The following CERT1 variants were observed in gnomAD, a reference collection of about 807,000 sequenced individuals.
CERT1 encodes the protein ceramide transporter 1.
In CERT1, 31 loss-of-function variants were observed where a neutral mutation model predicts 87.9. That is an observed-to-expected ratio of 0.35 (90% CI 0.27 to 0.48). The LOEUF is 0.48. Among genes scored for constraint, CERT1 ranks in the 20% least tolerant of loss-of-function variants. The pLI is 0.99. For synonymous variants in CERT1, 289 were observed against 250.9 expected, an observed-to-expected ratio of 1.15 and a Z score of -1.44; for missense variants, 487 against 758.0, an observed-to-expected ratio of 0.64 and a Z score of 4.20.
intron 3 of CERT1, among the ~76,000 whole-genome samples, chr5:75,433,688 T>C (rs1379314633): frequency 6.6e-6 from 1 of 152,110 alleles, no homozygotes; most frequent in Non-Finnish European, 1.5e-5. Context: ...ACCCAGGTAA[T>C]TTTTTGATTT....
At chr5:75,497,082 A>C (rs1425643047) in intron 2 of CERT1, among the ~76,000 whole-genome samples, 1 of 152,234 alleles carries the variant, frequency 6.6e-6, no homozygotes, top group East Asian at 1.9e-4. Context: ...AAACATATAA[A>C]GAGTTAACTA....
chr5:75,505,025 G>A (rs1767587744), intron 2 of CERT1, among the ~76,000 whole-genome samples: 1 of 152,134 alleles, frequency 6.6e-6, no homozygotes, highest in Non-Finnish European at 1.5e-5. Flanking sequence ...GGTGGCTCAT[G>A]CCTGTAATCC....
At chr5:75,456,292 C>T (rs766625913) in intron 3 of CERT1, among the ~76,000 whole-genome samples, 3 of 152,098 alleles carry the variant, frequency 2.0e-5, no homozygotes, top group Non-Finnish European at 2.9e-5. Flanking sequence ...GCATACATCA[C>T]ATATTTTACT....
chr5:75,439,438 G>A (rs1029999511), intron 3 of CERT1, among the ~76,000 whole-genome samples: 2 of 151,924 alleles, frequency 1.3e-5, no homozygotes, highest in African/African-American at 2.4e-5. Flanking sequence ...TCTGTAGCAA[G>A]AAGCACAGCA....
Position 75,386,047 on chromosome 5 carries a change from T to C in CERT1, c.1285-13A>G. 1 of 1,483,952 alleles carries C rather than the reference T, an allele frequency of 6.7e-7. No homozygotes were observed. The highest frequency in any genetic ancestry group is 9.0e-7 in the Non-Finnish European group (1 of 1,116,640). The allele number at this position is 1,483,952 out of a possible 1,614,324, so 91.9% of individuals were successfully genotyped here. A position where few individuals can be genotyped will look rare whatever the true frequency, so the allele number is the denominator to read the frequency against. ...CTCTTCTGTATACCTAAAGAGAACA[T>C]AATTCCAAAACTGTTTGAAAATTAA... On this transcript the variant is annotated splice_polypyrimidine_tract_variant and intron_variant, in intron 12 of 16. Coordinates refer to ENST00000643780, the MANE Select transcript of CERT1 (RefSeq NM_001379029.1).
intron 2 of CERT1, among the ~76,000 whole-genome samples, chr5:75,482,939 C>T (rs892697747): frequency 6.6e-6 from 1 of 152,126 alleles, no homozygotes; most frequent in South Asian, 2.1e-4. Flanking sequence ...GCCCACACTG[C>T]GAAGACTGTA....
chr5:75,483,173 A>T (rs2112397412), intron 2 of CERT1, among the ~76,000 whole-genome samples: 1 of 152,340 alleles, frequency 6.6e-6, no homozygotes, highest in Admixed American at 6.5e-5. Context: ...TCCTATCTGA[A>T]TTTAACAAAC....
chr5:75,496,948 A>G (rs756213694), intron 2 of CERT1, among the ~76,000 whole-genome samples: 1 of 152,230 alleles, frequency 6.6e-6, no homozygotes, highest in Non-Finnish European at 1.5e-5. Flanking sequence ...TTATATCTCA[A>G]TGTGATTTTT....
chr5:75,461,555 A>G (rs1765230826), intron 2 of CERT1, among the ~76,000 whole-genome samples: 2 of 152,210 alleles, frequency 1.3e-5, no homozygotes, highest in South Asian at 4.1e-4. Context: ...CTCCATGATA[A>G]TTCCCATTAT....
At chr5:75,464,377 C>A (rs772713675) in intron 2 of CERT1, among the ~76,000 whole-genome samples, 3 of 152,032 alleles carry the variant, frequency 2.0e-5, no homozygotes, top group Non-Finnish European at 4.4e-5. Flanking sequence ...ACATTAGAGG[C>A]CCTACTCTCC....
intron 2 of CERT1, among the ~76,000 whole-genome samples, chr5:75,476,906 AGAT>A (rs1765979531): frequency 6.6e-6 from 1 of 152,170 alleles, no homozygotes; most frequent in Non-Finnish European, 1.5e-5. Context: ...TTGTACTCCG[AGAT>A]GGGGGAAAAA....
At chr5:75,402,799 C>CAAAA in intron 9 of CERT1, 173 bp downstream of exon 9, 5 of 332,350 alleles carry the variant, frequency 1.5e-5, no homozygotes, top group East Asian at 4.9e-5. Flanking sequence ...GACTCTGTCT[C>CAAAA]AAAAAAAAAA....
At chr5:75,376,412 T>C (rs1215462355), downstream of CERT1, 1 of 151,940 alleles carries the variant, frequency 6.6e-6, no homozygotes, top group Non-Finnish European at 1.5e-5. Context: ...ATAGTTAGAG[T>C]GAAACAAAAT....
intron 2 of CERT1, among the ~76,000 whole-genome samples, chr5:75,468,733 C>T (rs887546512): frequency 5.3e-5 from 8 of 152,120 alleles, no homozygotes; most frequent in Admixed American, 1.3e-4. Flanking sequence ...GTACAGAAAG[C>T]CTAATGCTGT....
intron 3 of CERT1, among the ~76,000 whole-genome samples, chr5:75,450,492 C>T (rs910378917): frequency 1.3e-5 from 2 of 152,192 alleles, no homozygotes; most frequent in African/African-American, 4.8e-5. Flanking sequence ...GCAAAACTGT[C>T]TCATAGGGGA....
chr5:75,412,438 A>G (rs1000185452), intron 7 of CERT1, among the ~76,000 whole-genome samples: 2 of 152,230 alleles, frequency 1.3e-5, no homozygotes, highest in Non-Finnish European at 2.9e-5. Context: ...ATCATAAGAG[A>G]ACAGATTATG....
intron 7 of CERT1, among the ~76,000 whole-genome samples, chr5:75,411,620 C>T (rs1006017970): frequency 2.0e-5 from 3 of 151,898 alleles, no homozygotes; most frequent in Non-Finnish European, 4.4e-5. Flanking sequence ...CCACAACCTA[C>T]GATTTAAATC....
intron 3 of CERT1, among the ~76,000 whole-genome samples, chr5:75,456,367 C>T (rs531388568): frequency 1.0e-3 from 153 of 152,090 alleles, no homozygotes; most frequent in African/African-American, 3.4e-3. Flanking sequence ...AATAAACTAT[C>T]TTTAAAAATA....
intron 3 of CERT1, 141 bp downstream of exon 3, chr5:75,458,924 A>T (rs1242842904): frequency 5.1e-6 from 3 of 584,628 alleles, no homozygotes; most frequent in Non-Finnish European, 9.3e-6. Context: ...AAAAATTTAC[A>T]TATGAACTGC....
Sources: allele counts gnomAD v4.1 joint callset (sites outside exome capture counted in the v4.1 genomes callset), GRCh38; gene constraint gnomAD v4.1.1; transcripts MANE v1.5; gene names NCBI Gene and HGNC (gene_info 2026-07-23, HGNC 2026-07-21).